CNTNAP5: variants seen among roughly 807,000 people sequenced by gnomAD.
The protein encoded by CNTNAP5 is contactin associated protein family member 5.
Under a neutral mutation model 150.2 loss-of-function variants are expected in CNTNAP5, and 72 were observed. That is an observed-to-expected ratio of 0.48 (90% confidence interval 0.40 to 0.58). The LOEUF (loss-of-function observed/expected upper bound fraction) is 0.58. Ranked by LOEUF, CNTNAP5 falls within the 20% of genes least tolerant of loss-of-function variation. CNTNAP5 has a pLI of 0.00. For missense variants in CNTNAP5, 1,636 were observed against 1,626.2 expected (o/e 1.01, Z -0.10); for synonymous variants, 672 against 619.8 (o/e 1.08, Z -1.25).
intron 10 of CNTNAP5, among the ~76,000 whole-genome samples, chr2:124,558,095 C>T (rs1034519155): frequency 6.6e-6 from 1 of 152,040 alleles, no homozygotes; most frequent in Non-Finnish European, 1.5e-5. Context: ...TTTATAGGGT[C>T]CCCCTTGCTC....
intron 3 of CNTNAP5, among the ~76,000 whole-genome samples, chr2:124,400,669 G>GTTTTTTTTGTT (rs1691388342): frequency 1.2e-5 from 1 of 84,498 alleles, no homozygotes; most frequent in African/African-American, 3.8e-5. Context: ...TAAAGGCATT[G>GTTTTTTTTGTT]TTTTTTTTTT....
chr2:124,776,345 C>T (rs1439787433), intron 17 of CNTNAP5, among the ~76,000 whole-genome samples: 1 of 151,952 alleles, frequency 6.6e-6, no homozygotes, highest in African/African-American at 2.4e-5. Context: ...CTACTCCAAA[C>T]TTACAATCCC....
At chr2:124,599,094 C>A (rs1696914033) in intron 11 of CNTNAP5, among the ~76,000 whole-genome samples, 1 of 152,136 alleles carries the variant, frequency 6.6e-6, no homozygotes, top group South Asian at 2.1e-4. Context: ...ATGCAGAAAT[C>A]ACCCGTCTTC....
At chr2:124,301,964 T>C (rs1239274798) in intron 3 of CNTNAP5, among the ~76,000 whole-genome samples, 1 of 152,154 alleles carries the variant, frequency 6.6e-6, no homozygotes, top group Non-Finnish European at 1.5e-5. Context: ...TAAGATTAAA[T>C]GAGGTCATAA....
intron 10 of CNTNAP5, among the ~76,000 whole-genome samples, chr2:124,560,953 T>C (rs559174363): frequency 3.9e-5 from 6 of 151,920 alleles, no homozygotes; most frequent in South Asian, 2.1e-4. Flanking sequence ...CTGAACTTTC[T>C]TGGGGCCCAA....
intron 19 of CNTNAP5, among the ~76,000 whole-genome samples, chr2:124,838,637 C>T (rs1289066951): frequency 6.6e-6 from 1 of 152,164 alleles, no homozygotes; most frequent in Non-Finnish European, 1.5e-5. Context: ...ACAGTCTACA[C>T]AAACCCCCTA....
At chr2:124,768,457 A>G (rs894347002) in intron 16 of CNTNAP5, among the ~76,000 whole-genome samples, 63 of 152,178 alleles carry the variant, frequency 4.1e-4, no homozygotes, top group African/African-American at 1.4e-3. Context: ...GAACCTCAGA[A>G]AATAGTACAA....
chr2:124,285,952 T>A (rs944933898), intron 3 of CNTNAP5, among the ~76,000 whole-genome samples: 5 of 152,208 alleles, frequency 3.3e-5, no homozygotes, highest in Non-Finnish European at 7.3e-5. Context: ...TATTAAGATC[T>A]CATTTGGGTA....
At chr2:124,712,473 TCTAC>T (rs1404934980) in intron 13 of CNTNAP5, among the ~76,000 whole-genome samples, 1 of 152,226 alleles carries the variant, frequency 6.6e-6, no homozygotes, top group East Asian at 1.9e-4. Flanking sequence ...CCACTGATGT[TCTAC>T]CTAACATGGG....
intron 1 of CNTNAP5, among the ~76,000 whole-genome samples, chr2:124,026,543 C>A (rs1001230118): frequency 1.3e-5 from 2 of 152,210 alleles, no homozygotes; most frequent in Non-Finnish European, 2.9e-5. Flanking sequence ...TTGAATAAAT[C>A]TCTGGAGCTA....
At chr2:124,857,018 T>G (rs1278697596) in intron 19 of CNTNAP5, among the ~76,000 whole-genome samples, 1 of 152,074 alleles carries the variant, frequency 6.6e-6, no homozygotes, top group Non-Finnish European at 1.5e-5. Context: ...GTCCTGGGGA[T>G]CTGTGACCAA....
chr2:124,898,851 TC>T (rs1372190502), intron 21 of CNTNAP5, among the ~76,000 whole-genome samples: 2 of 151,238 alleles, frequency 1.3e-5, no homozygotes, highest in Non-Finnish European at 2.9e-5. Flanking sequence ...TAACTACCAC[TC>T]CCCCCGGCCT....
chr2:124,723,743 T>A (rs1051608487), intron 13 of CNTNAP5, among the ~76,000 whole-genome samples: 1 of 152,156 alleles, frequency 6.6e-6, no homozygotes, highest in Non-Finnish European at 1.5e-5. Flanking sequence ...GAGTGCTTCT[T>A]CTGTGTGTTC....
At chr2:124,721,560 G>A (rs1218922201) in intron 13 of CNTNAP5, among the ~76,000 whole-genome samples, 3 of 150,050 alleles carry the variant, frequency 2.0e-5, no homozygotes, top group Non-Finnish European at 3.0e-5. Flanking sequence ...TAAATATAGG[G>A]TGTCAGAAGC....
intron 1 of CNTNAP5, among the ~76,000 whole-genome samples, chr2:124,214,826 G>A (rs1340738555): frequency 6.6e-6 from 1 of 152,172 alleles, no homozygotes; most frequent in Non-Finnish European, 1.5e-5. Context: ...ACAACCATGA[G>A]TATTTAGCAG....
intron 5 of CNTNAP5, among the ~76,000 whole-genome samples, chr2:124,440,117 C>T (rs1335039895): frequency 6.6e-6 from 1 of 152,062 alleles, no homozygotes; most frequent in Non-Finnish European, 1.5e-5. Context: ...GGAGACTCAC[C>T]TTTCTGCAGG....
intron 13 of CNTNAP5, among the ~76,000 whole-genome samples, chr2:124,657,951 TC>T (rs1678494226): frequency 6.6e-6 from 1 of 152,256 alleles, no homozygotes; most frequent in African/African-American, 2.4e-5. Flanking sequence ...GATACCTTCT[TC>T]TTGCTTATTT....
intron 3 of CNTNAP5, among the ~76,000 whole-genome samples, chr2:124,305,745 G>C (rs1037869417): frequency 2.6e-5 from 4 of 151,932 alleles, no homozygotes; most frequent in African/African-American, 9.7e-5. Context: ...TTACATTATG[G>C]GATGACACAG....
chr2:124,666,867 T>C (rs1302582470), intron 13 of CNTNAP5, among the ~76,000 whole-genome samples: 1 of 152,190 alleles, frequency 6.6e-6, no homozygotes, highest in Admixed American at 6.5e-5. Context: ...CTTCTGCTGC[T>C]GCATATTTTG....
Sources: gnomAD v4.1 joint callset for allele counts (sites outside exome capture counted in the v4.1 genomes callset) on GRCh38, gnomAD v4.1.1 for gene constraint, MANE v1.5 for transcripts, NCBI Gene and HGNC (gene_info 2026-07-23, HGNC 2026-07-21) for gene names.